The following ZNF3 variants were observed in gnomAD, a reference collection of about 807,000 sequenced individuals.
ZNF3 encodes zinc finger protein 3.
Under a neutral mutation model 36.9 loss-of-function variants are expected in ZNF3, and 16 were observed. The ratio of observed to expected loss-of-function variants is 0.43; its 90% CI spans 0.29 to 0.66. The LOEUF (loss-of-function observed/expected upper bound fraction) is 0.66, where lower values mean the gene tolerates loss of function less well. ZNF3 is among the 30% of genes least tolerant of loss of function. The pLI is 0.13. For synonymous variants in ZNF3, 201 were observed against 201.9 expected (o/e 1.00, Z 0.04); for missense variants, 462 against 543.1 (o/e 0.85, Z 1.48).
At chr7:100,079,229 A>G (rs1316451364) in intron 2 of ZNF3, 1 of 152,228 alleles carries the variant, frequency 6.6e-6, no homozygotes, top group Non-Finnish European at 1.5e-5. Flanking sequence ...TCAACAAGTC[A>G]GCTTTCAGTA....
At chr7:100,076,775 TACTC>T (rs1584447489) in intron 3 of ZNF3, among the ~76,000 whole-genome samples, 1 of 152,026 alleles carries the variant, frequency 6.6e-6, no homozygotes. Flanking sequence ...TCGCGTGAGG[TACTC>T]ACAACCCCTC....
At chr7:100,077,240 G>A in intron 3 of ZNF3, 63 bp downstream of exon 3, 2 of 1,603,568 alleles carry the variant, frequency 1.2e-6, no homozygotes, top group Non-Finnish European at 1.7e-6. Flanking sequence ...TGGTAAGTGA[G>A]CGATTTCAAT....
Position 100,071,958 on chromosome 7 carries a change from CATT to C in ZNF3, c.523_525del (p.Asn175del), listed in dbSNP as rs762423832. On this transcript the variant is annotated inframe_deletion, in exon 6 of 6. Transcript: ENST00000299667. ...TTCACAGTGAAGCTGTTCCCAAAAT[CATT>C]ATATTTCTCGCTTCTCTCTCCCCTG... The C allele has an allele frequency of 3.1e-6, 5 of 1,614,106 alleles. No individual in the cohort carries two copies. The highest frequency in any genetic ancestry group is 4.2e-6 in the Non-Finnish European group (5 of 1,179,988).
exon 6 of ZNF3, chr7:100,064,115 G>A: frequency 1.2e-6 from 2 of 1,614,138 alleles, no homozygotes; most frequent in Non-Finnish European, 1.7e-6. Context: ...CCTTACGTGT[G>A]CACCAAGTGT....
At chr7:100,075,105 G>T in intron 5 of ZNF3, 30 bp downstream of exon 5, 1 of 1,561,440 alleles carries the variant, frequency 6.4e-7, no homozygotes, top group South Asian at 1.2e-5. Context: ...AAACACCAGC[G>T]AGTTTTGTTG....
chr7:100,077,612 G>C (rs373714238), intron 2 of ZNF3, 179 bp from the exon 3 acceptor site: 4 of 428,628 alleles, frequency 9.3e-6, no homozygotes, highest in Non-Finnish European at 1.1e-5. Flanking sequence ...TGGAGAACAG[G>C]GTCTCGCTAT....
At chr7:100,078,123 C>T (rs1020351058) in intron 2 of ZNF3, among the ~76,000 whole-genome samples, 14 of 152,116 alleles carry the variant, frequency 9.2e-5, no homozygotes, top group Admixed American at 2.6e-4. Context: ...AACAATATCC[C>T]GCCTTTGGCT....
chr7:100,073,906 A>G (rs1399452224), intron 5 of ZNF3, among the ~76,000 whole-genome samples: 2 of 151,944 alleles, frequency 1.3e-5, no homozygotes, highest in Non-Finnish European at 2.9e-5. Context: ...CTGTAATCTC[A>G]GCACTTTGGG....
chr7:100,065,293 G>A (rs1042055288), downstream of ZNF3, among the ~76,000 whole-genome samples: 4 of 152,098 alleles, frequency 2.6e-5, no homozygotes, highest in East Asian at 5.8e-4. Context: ...GCATAGTGGC[G>A]GGTGCCTGTA....
downstream of ZNF3, chr7:100,065,141 T>C (rs1792581137): frequency 1.5e-6 from 1 of 662,750 alleles, no homozygotes; most frequent in South Asian, 2.0e-5. Context: ...AAATTTGGAT[T>C]TGGGGGTCAG....
chr7:100,077,391 C>G lies in ZNF3; in HGVS notation c.-34G>C. 6.2e-7 allele frequency: 1 copy of G among 1,613,212 alleles called. No individual in the cohort carries two copies. Among genetic ancestry groups the G allele is most frequent in the South Asian group, 1.1e-5 (1 of 91,050 alleles). Reference sequence around the variant, plus strand: ...AAGGTGCTCTCTGGTCTCCTGGGTGCAGACTCAGCGGGAAGCGGGTTTTAA... The same window carrying G: ...AAGGTGCTCTCTGGTCTCCTGGGTGGAGACTCAGCGGGAAGCGGGTTTTAA... On this transcript the variant is annotated 5_prime_UTR_variant, in exon 3 of 6. Coordinates refer to ENST00000299667, the MANE Select transcript of ZNF3 (RefSeq NM_032924.5).
chr7:100,064,525 T>C (rs767036751), exon 6 of ZNF3: 2 of 1,614,066 alleles, frequency 1.2e-6, no homozygotes, highest in Non-Finnish European at 1.7e-6. Context: ...GGAAAAGCCC[T>C]ACTGGTGTCA....
chr7:100,081,967 CGGCCGACCACGGTCCTG>C (rs1373777574), upstream of ZNF3, among the ~76,000 whole-genome samples: 1 of 152,154 alleles, frequency 6.6e-6, no homozygotes, highest in Non-Finnish European at 1.5e-5. This position sits in a 1 kb window ranked among gnomAD's most constrained non-coding sequence, Gnocchi z 4.3. Context: ...TGTGCGAAAG[CGGCCGACCACGGTCCTG>C]GGCCTCAGGA....
At chr7:100,078,977 G>C (rs923139449) in intron 2 of ZNF3, 21 of 152,206 alleles carry the variant, frequency 1.4e-4, no homozygotes, top group East Asian at 1.9e-4. Flanking sequence ...AAAGTCAGTC[G>C]CAAGTTTGGG....
intron 5 of ZNF3, among the ~76,000 whole-genome samples, chr7:100,074,124 C>T (rs1407284069): frequency 6.6e-6 from 1 of 151,970 alleles, no homozygotes; most frequent in Admixed American, 6.6e-5. Context: ...TATTGCACTC[C>T]AGCCTGGCAA....
chr7:100,065,060 T>A (rs1214311456), downstream of ZNF3: 5 of 1,008,958 alleles, frequency 5.0e-6, no homozygotes, highest in Non-Finnish European at 7.1e-6. Flanking sequence ...ACTATTATTA[T>A]AACAAATGAT....
chr7:100,064,110 C>T lies in ZNF3; in HGVS notation c.*678G>A, dbSNP rs143431014. 3.5e-5 allele frequency: 57 copies of T among 1,613,810 alleles called. No homozygotes were observed. The Middle Eastern group carries it at 9.9e-4, about 28-fold the overall frequency. The stretch of plus-strand genomic sequence containing the variant: ...GAACACACACTGGGGAGAAACCTTA[C>T]GTGTGCACCAAGTGTGGGAAAGCTT... On this transcript the variant is annotated 3_prime_UTR_variant, in exon 6 of 6. Transcript: ENST00000413658.
rs1432286190 is a variant in ZNF3, at chr7:100,075,597, T to C, written c.89A>G (p.Lys30Arg). 6 of 1,614,148 alleles carry C rather than the reference T, an allele frequency of 3.7e-6. No homozygotes were observed. Among genetic ancestry groups the C allele is most frequent in the Non-Finnish European group, 5.1e-6 (6 of 1,180,020 alleles). ...LPSKVPAFSD[K>R]DSLGDEMLAA... ...CAACATCTCATCCCCCAGGCTGTCCTTGTCGGAAAAGGCAGGAACTTTTGA... is the reference window on the plus strand; with the variant it reads ...CAACATCTCATCCCCCAGGCTGTCCCTGTCGGAAAAGGCAGGAACTTTTGA... The change falls in exon 4 of 6, where the codon AAG becomes AGG. Residue 30 changes from lysine to arginine, a missense_variant. Coordinates refer to ENST00000299667, the MANE Select transcript of ZNF3 (RefSeq NM_032924.5).
downstream of ZNF3, among the ~76,000 whole-genome samples, chr7:100,067,424 G>A (rs1420917248): frequency 3.9e-5 from 6 of 152,088 alleles, no homozygotes; most frequent in African/African-American, 7.2e-5. Context: ...ATCATTCCTC[G>A]CCAAGTATTG....
Sources: gnomAD v4.1 joint callset for allele counts (sites outside exome capture counted in the v4.1 genomes callset) on GRCh38, gnomAD v4.1.1 for gene constraint, Gnocchi (gnomAD v3.1) non-coding constraint, MANE v1.5 for transcripts, NCBI Gene and HGNC (gene_info 2026-07-23, HGNC 2026-07-21) for gene names.